CNGA1: variants seen among roughly 807,000 people sequenced by gnomAD.
CNGA1 encodes cyclic nucleotide-gated channel alpha-1.
CNGA1 carries 53 observed loss-of-function variants against 69.7 expected under a neutral mutation model. The ratio of observed to expected loss-of-function variants is 0.76; its 90% CI spans 0.61 to 0.96. The LOEUF (loss-of-function observed/expected upper bound fraction) is 0.96, where lower values mean the gene tolerates loss of function less well. Among genes scored for constraint, CNGA1 ranks in the 40% least tolerant of loss-of-function variants. The pLI is 0.00. For synonymous variants in CNGA1, 249 were observed against 283.5 expected (o/e 0.88, Z 1.22); for missense variants, 739 against 811.2 (o/e 0.91, Z 1.08).
At chr4:48,006,873 T>C (rs957530445) in intron 2 of CNGA1, among the ~76,000 whole-genome samples, 3 of 152,056 alleles carry the variant, frequency 2.0e-5, no homozygotes, top group African/African-American at 2.4e-5. Context: ...TCCTCCCTCC[T>C]TGGCCTCCCA....
chr4:47,956,394 G>A (rs772149693), intron 3 of CNGA1, among the ~76,000 whole-genome samples: 46 of 152,138 alleles, frequency 3.0e-4, no homozygotes, highest in Admixed American at 1.2e-3. Flanking sequence ...AAGGAAGTGC[G>A]TTCTTGAATA....
intron 2 of CNGA1, among the ~76,000 whole-genome samples, chr4:47,986,015 T>A (rs1741962203): frequency 1.3e-5 from 2 of 152,236 alleles, no homozygotes. Flanking sequence ...CCTTCTAAAG[T>A]GTGGAGCACC....
At position 47,937,319 on chromosome 4, in the gene CNGA1, A is replaced by T. The variant is rs774292169; in HGVS notation, c.1163T>A (p.Ile388Asn). The change falls in exon 11 of 11, where the codon ATC (isoleucine) becomes AAC (asparagine). Residue 388 changes from isoleucine to asparagine, a missense_variant. Physicochemically the swap from Ile to Asn is moderately radical, Grantham distance 149. Transcript: ENST00000514170. ...FLIGVLIFAT[I>N]VGNIGSMISN... ...AATCATAGAACCTATGTTACCAACGATGGTAGCAAAAATTAACACTCCAAT... is the reference window on the plus strand; with the variant it reads ...AATCATAGAACCTATGTTACCAACGTTGGTAGCAAAAATTAACACTCCAAT... The T allele has an allele frequency of 6.2e-7, 1 of 1,614,056 alleles. No individual in the cohort carries two copies. Among genetic ancestry groups the T allele is most frequent in the Non-Finnish European group, 8.5e-7 (1 of 1,180,028 alleles).
intron 3 of CNGA1, among the ~76,000 whole-genome samples, chr4:47,977,282 A>T (rs893479396): frequency 3.3e-5 from 5 of 152,188 alleles, no homozygotes; most frequent in Non-Finnish European, 7.3e-5. Flanking sequence ...ATACAAAGAG[A>T]CAGGAAGGAT....
chr4:47,970,650 TA>T lies in CNGA1; in HGVS notation c.-15+10742del, dbSNP rs35223454. Among the ~76,000 whole-genome samples, 106 of 141,280 alleles carry T rather than the reference TA, an allele frequency of 7.5e-4. 1 individual carries two copies. Among genetic ancestry groups the T allele is most frequent in the Non-Finnish European group, 5.4e-4 (35 of 65,306 alleles). 92.7% of individuals were successfully genotyped at this position (141,280 alleles called of 152,430 possible). On this transcript the variant is annotated intron_variant, in intron 3 of 10. Transcript: ENST00000514170. ...CTGGGCAACAAGAGCAAAACTCCAT[TA>T]AAAAAAAAAAAGAAAGAAAACAAGA...
At chr4:47,940,723 AG>A in intron 10 of CNGA1, 39 bp downstream of exon 10, 1 of 1,260,694 alleles carries the variant, frequency 7.9e-7, no homozygotes, top group Non-Finnish European at 1.2e-6. Context: ...TAGAGATAAA[AG>A]CATGAAATTT....
intron 8 of CNGA1, among the ~76,000 whole-genome samples, chr4:47,942,735 A>T (rs1397505243): frequency 6.6e-6 from 1 of 152,180 alleles, no homozygotes; most frequent in African/African-American, 2.4e-5. Flanking sequence ...ATAGGAGCAC[A>T]AACCTTATTG....
intron 2 of CNGA1, among the ~76,000 whole-genome samples, chr4:47,985,741 C>T (rs77089912): frequency 0.057 from 8,586 of 151,122 alleles, 457 homozygotes; most frequent in East Asian, 0.31. Context: ...TCTCACACTT[C>T]CTTCGTCTAT....
intron 10 of CNGA1, among the ~76,000 whole-genome samples, chr4:47,938,397 ATTT>A (rs10647718): frequency 7.0e-6 from 1 of 142,706 alleles, no homozygotes; most frequent in Non-Finnish European, 1.5e-5. Flanking sequence ...TACTAAGTGC[ATTT>A]TTTTTTTTTT....
intron 2 of CNGA1, among the ~76,000 whole-genome samples, chr4:48,002,558 G>C (rs1289817333): frequency 6.8e-6 from 1 of 146,504 alleles, no homozygotes; most frequent in African/African-American, 2.6e-5. Context: ...GGTGCTTGCT[G>C]TTGATTGACT....
intron 6 of CNGA1, among the ~76,000 whole-genome samples, chr4:47,943,879 T>C (rs1739242923): frequency 6.6e-6 from 1 of 152,238 alleles, no homozygotes; most frequent in South Asian, 2.1e-4. Context: ...ATCAACAAGC[T>C]GTCTGGTAAT....
intron 1 of CNGA1, among the ~76,000 whole-genome samples, chr4:48,012,558 C>CTATTTTTTTTTTTTTTTTTT (rs1715211558): frequency 1.5e-5 from 1 of 64,954 alleles, no homozygotes; most frequent in African/African-American, 6.6e-5. Context: ...ACCACACCAT[C>CTATTTTTTTTTTTTTTTTTT]TTTTTTTTTT....
At chr4:47,998,947 A>G (rs1714530767) in intron 2 of CNGA1, among the ~76,000 whole-genome samples, 1 of 152,200 alleles carries the variant, frequency 6.6e-6, no homozygotes, top group African/African-American at 2.4e-5. Context: ...ATTTAATGCA[A>G]AATTCCAAAA....
chr4:47,956,242 C>A (rs1213176375), intron 3 of CNGA1, among the ~76,000 whole-genome samples: 1 of 152,126 alleles, frequency 6.6e-6, no homozygotes, highest in Non-Finnish European at 1.5e-5. Context: ...GGCAGGGACA[C>A]GTTGGATATT....
In CNGA1 at chr4:47,936,206, C is replaced by T. The variant is rs759469812; in HGVS notation, c.*215G>A. 42 of 598,756 alleles carry T rather than the reference C, an allele frequency of 7.0e-5. No individual in the cohort carries two copies. The highest frequency in any genetic ancestry group is 1.2e-4 in the Non-Finnish European group (42 of 338,984). 37.1% of individuals were successfully genotyped at this position (598,756 alleles called of 1,614,324 possible). A position where few individuals can be genotyped will look rare whatever the true frequency, so the allele number is the denominator to read the frequency against. On this transcript the variant is annotated 3_prime_UTR_variant, in exon 11 of 11. Transcript: ENST00000514170. ...AAGTTAATCAGTTTATATCTTTGCA[C>T]ATTATCAGTTGTGAAAAATCCCAAG...
chr4:47,960,505 A>G (rs1740372966), intron 3 of CNGA1, among the ~76,000 whole-genome samples: 1 of 152,218 alleles, frequency 6.6e-6, no homozygotes, highest in African/African-American at 2.4e-5. Flanking sequence ...GAGGGCACAA[A>G]AAAGACACTA....
intron 3 of CNGA1, among the ~76,000 whole-genome samples, chr4:47,957,988 G>A (rs561475852): frequency 4.0e-5 from 6 of 150,158 alleles, no homozygotes; most frequent in Admixed American, 6.7e-5. Flanking sequence ...TCCACCTCCC[G>A]GGTTCAAGTG....
At chr4:47,941,926 A>T in intron 9 of CNGA1, 115 bp downstream of exon 9, 1 of 679,832 alleles carries the variant, frequency 1.5e-6, no homozygotes, top group Non-Finnish European at 2.6e-6. Context: ...TACCACCTGC[A>T]GTAGAGAAAG....
In CNGA1 at chr4:47,946,569, G is replaced by A. The variant is rs772770263; in HGVS notation, c.288-3157C>T. Among the ~76,000 whole-genome samples, 7 of 152,102 alleles carry A rather than the reference G, an allele frequency of 4.6e-5. No individual in the cohort carries two copies. The South Asian group carries it at 6.2e-4, about 14-fold the overall frequency. Reference sequence around the variant, plus strand: ...TTAGTCCACTATATCTGCATCAATGGCATTCTGTTAGTCAGGCCCTGAAAT... The same window carrying A: ...TTAGTCCACTATATCTGCATCAATGACATTCTGTTAGTCAGGCCCTGAAAT... On this transcript the variant is annotated intron_variant, in intron 6 of 10. Coordinates refer to ENST00000514170, the MANE Select transcript of CNGA1 (RefSeq NM_001379270.1).
Sources: allele counts gnomAD v4.1 joint callset (sites outside exome capture counted in the v4.1 genomes callset), GRCh38; gene constraint gnomAD v4.1.1; transcripts MANE v1.5; gene names NCBI Gene and HGNC (gene_info 2026-07-23, HGNC 2026-07-21).